Variants in MMP20 observed in about 807,000 individuals in gnomAD.
MMP20 encodes the protein matrix metalloproteinase-20.
A neutral mutation model predicts 51.8 loss-of-function variants in MMP20; 50 were observed. The observed-to-expected ratio is 0.97, with a 90% CI of 0.77 to 1.22. MMP20 has a LOEUF of 1.22. MMP20 is among the 50% of genes most tolerant of loss of function. The probability of loss-of-function intolerance (pLI) is 0.00; values close to 1 mark genes in which losing one functional copy is unlikely to be tolerated. For missense variants in MMP20, 663 were observed against 601.4 expected (o/e 1.10, Z -1.07); for synonymous variants, 244 against 216.2 (o/e 1.13, Z -1.13).
rs1397739093 is a variant in MMP20, at chr11:102,593,590, G to A, written c.1096C>T (p.His366Tyr). ...RGTAYFFKGP[H>Y]YWITRGFQMQ... is the part of the protein sequence containing the mutation. ...TGGAATCCTCTTGTTATCCAGTAGT[G>A]GGGACCTGAAAACAGAAATTAAAGT... The change falls in exon 8 of 10, where the codon CAC becomes TAC. Residue 366 changes from histidine to tyrosine, a missense_variant. By Grantham distance (83) the His-to-Tyr change is moderately conservative (BLOSUM62 2). Transcript: ENST00000260228. 6.2e-7 allele frequency: 1 copy of A among 1,613,924 alleles called. No individual in the cohort carries two copies. Among genetic ancestry groups the A allele is most frequent in the Non-Finnish European group, 8.5e-7 (1 of 1,179,948 alleles).
intron 1 of MMP20, among the ~76,000 whole-genome samples, chr11:102,620,364 G>C (rs1488797459): frequency 2.0e-5 from 3 of 152,156 alleles, no homozygotes; most frequent in African/African-American, 7.2e-5. Flanking sequence ...CAGGCACTTA[G>C]GTGTGTACTT....
intron 8 of MMP20, among the ~76,000 whole-genome samples, chr11:102,581,301 T>A (rs1223076020): frequency 6.6e-6 from 1 of 152,222 alleles, no homozygotes; most frequent in Non-Finnish European, 1.5e-5. Flanking sequence ...TAAGGTTGAG[T>A]GAACTTCATG....
At chr11:102,591,953 C>A (rs1276146919) in intron 8 of MMP20, among the ~76,000 whole-genome samples, 1 of 152,150 alleles carries the variant, frequency 6.6e-6, no homozygotes, top group African/African-American at 2.4e-5. Flanking sequence ...GCAAGAGAGA[C>A]AATGGGAGAG....
chr11:102,601,670 C>T (rs1385367937), intron 6 of MMP20, among the ~76,000 whole-genome samples: 1 of 152,178 alleles, frequency 6.6e-6, no homozygotes, highest in African/African-American at 2.4e-5. Context: ...TATGAAACTC[C>T]GTGAAAATTG....
At chr11:102,604,053 T>G (rs755932601) in intron 6 of MMP20, among the ~76,000 whole-genome samples, 8 of 151,072 alleles carry the variant, frequency 5.3e-5, no homozygotes, top group Non-Finnish European at 8.8e-5. Context: ...AAGAAAACAA[T>G]GATCATTGAA....
chr11:102,578,780 AAC>A (rs10670953), intron 9 of MMP20, among the ~76,000 whole-genome samples: 5 of 137,494 alleles, frequency 3.6e-5, no homozygotes, highest in African/African-American at 1.5e-4. Flanking sequence ...CAAAAAACAA[AAC>A]ACACACACAC....
At chr11:102,612,675 T>C (rs930208789) in intron 2 of MMP20, among the ~76,000 whole-genome samples, 1 of 151,744 alleles carries the variant, frequency 6.6e-6, no homozygotes, top group Non-Finnish European at 1.5e-5. Context: ...CCAGGGCTAT[T>C]GGGGAAGGTT....
chr11:102,577,528 A>G, intron 9 of MMP20, 102 bp from the exon 10 acceptor site: 1 of 819,238 alleles, frequency 1.2e-6, no homozygotes, highest in Non-Finnish European at 2.1e-6. Context: ...ACCAAAGAGG[A>G]ATTGTGAATT....
Position 102,608,840 on chromosome 11 carries a change from G to A in MMP20, c.811+97C>T. On this transcript the variant is annotated intron_variant, in intron 5 of 9. Coordinates refer to ENST00000260228, the MANE Select transcript of MMP20 (RefSeq NM_004771.4). ...TAGTTGGGGTTATGGTTTCTAGATT[G>A]ATCTTTACCAATGCAGATAAAATGC... is the stretch of plus-strand genomic sequence containing the variant. 3 of 1,284,440 alleles carry A rather than the reference G, an allele frequency of 2.3e-6. No individual in the cohort carries two copies. In the Admixed American group the frequency reaches 5.0e-5, roughly 22 times the overall value. 79.6% of individuals were successfully genotyped at this position (1,284,440 alleles called of 1,614,324 possible). A position where few individuals can be genotyped will look rare whatever the true frequency, so the allele number is the denominator to read the frequency against.
chr11:102,594,222 G>T (rs753659691), intron 7 of MMP20, among the ~76,000 whole-genome samples: 5 of 152,230 alleles, frequency 3.3e-5, no homozygotes, highest in African/African-American at 7.2e-5. Flanking sequence ...TCTCCTGGCT[G>T]CTTCTGACCA....
intron 2 of MMP20, among the ~76,000 whole-genome samples, chr11:102,614,381 A>G (rs1859640478): frequency 6.6e-6 from 1 of 152,194 alleles, no homozygotes; most frequent in Non-Finnish European, 1.5e-5. Flanking sequence ...AAGAGTGGAT[A>G]GGCAATGTGT....
In MMP20 at chr11:102,623,635, A is replaced by C. The variant is rs74464298; in HGVS notation, c.126+1559T>G. Among the ~76,000 whole-genome samples, 687 of 152,262 alleles carry C rather than the reference A, an allele frequency of 4.5e-3. 1 individual carries two copies. The highest frequency in any genetic ancestry group is 0.019 in the East Asian group (100 of 5,180). ...GGGTGACTAATTTTTTCTGCAAAGG[A>C]CCAATAATTAATATTCTTTGCTTCT... On this transcript the variant is annotated intron_variant, in intron 1 of 9. Transcript: ENST00000260228.
intron 1 of MMP20, among the ~76,000 whole-genome samples, chr11:102,620,632 T>C (rs1859737922): frequency 6.6e-6 from 1 of 152,216 alleles, no homozygotes; most frequent in African/African-American, 2.4e-5. Flanking sequence ...TAGGTCTCCC[T>C]TCCAAGCCCT....
At chr11:102,582,029 A>G (rs1257186370) in intron 8 of MMP20, among the ~76,000 whole-genome samples, 1 of 152,230 alleles carries the variant, frequency 6.6e-6, no homozygotes, top group African/African-American at 2.4e-5. Flanking sequence ...CATTTGTTAC[A>G]TCATTTAATA....
At chr11:102,604,911 C>G (rs770077775) in intron 6 of MMP20, among the ~76,000 whole-genome samples, 2 of 152,210 alleles carry the variant, frequency 1.3e-5, no homozygotes, top group African/African-American at 2.4e-5. Context: ...ATATCTAGCT[C>G]TCTATCCAGA....
chr11:102,610,861 G>T, intron 3 of MMP20, among the ~76,000 whole-genome samples: 1 of 151,930 alleles, frequency 6.6e-6, no homozygotes, highest in East Asian at 1.9e-4. Flanking sequence ...AGGACTTCAT[G>T]CAATGGCAGC....
intron 8 of MMP20, among the ~76,000 whole-genome samples, chr11:102,590,035 G>C (rs1859299928): frequency 6.6e-6 from 1 of 152,120 alleles, no homozygotes; most frequent in Non-Finnish European, 1.5e-5. Context: ...GATTGAAAAG[G>C]GGTAGGATCT....
At chr11:102,590,061 A>G (rs1034947947) in intron 8 of MMP20, among the ~76,000 whole-genome samples, 3 of 152,198 alleles carry the variant, frequency 2.0e-5, no homozygotes, top group African/African-American at 7.2e-5. Context: ...TTTGCAAGTC[A>G]CTTTGCATAA....
intron 2 of MMP20, among the ~76,000 whole-genome samples, chr11:102,613,700 T>C (rs1421196421): frequency 6.6e-6 from 1 of 152,100 alleles, no homozygotes; most frequent in Non-Finnish European, 1.5e-5. Flanking sequence ...ATTCAGGACT[T>C]GAGAGGGAAG....
Sources: gnomAD v4.1 joint callset for allele counts (sites outside exome capture counted in the v4.1 genomes callset) on GRCh38, gnomAD v4.1.1 for gene constraint, MANE v1.5 for transcripts, NCBI Gene and HGNC (gene_info 2026-07-23, HGNC 2026-07-21) for gene names.